CLN8: variants seen among roughly 807,000 people sequenced by gnomAD.
The protein encoded by CLN8 is CLN8 transmembrane ER and ERGIC protein, also known as protein CLN8.
A neutral mutation model predicts 15.7 loss-of-function variants in CLN8; 14 were observed. That is an observed-to-expected ratio of 0.89 (90% CI 0.59 to 1.39). The LOEUF (loss-of-function observed/expected upper bound fraction) is 1.39, where lower values mean the gene tolerates loss of function less well. Among genes scored for constraint, CLN8 ranks in the 40% most tolerant of loss-of-function variants. The pLI is 0.00. For synonymous variants in CLN8, 188 were observed against 151.0 expected (o/e 1.25, Z -1.80); for missense variants, 415 against 364.0 (o/e 1.14, Z -1.14).
intron 2 of CLN8, among the ~76,000 whole-genome samples, chr8:1,774,256 A>G (rs1048667804): frequency 8.5e-5 from 13 of 152,236 alleles, no homozygotes; most frequent in Non-Finnish European, 1.8e-4. Flanking sequence ...CTGTTTGTGT[A>G]GAATGGAGAA....
chr8:1,763,392 G>C (rs1170707588), upstream of CLN8: 495 of 30,840 alleles, frequency 0.016, 109 homozygotes, highest in African/African-American at 0.057. Context: ...AGCGCCCGCC[G>C]CGCCGCGCCC....
rs117344704 is a variant in CLN8, at chr8:1,769,669, C to A, written c.-123-1263C>A. ...GCCGTGTAAAAGGAAAGGCTGGAATCAATCACACGTCCCTTCCAGTTTTTC... is the reference window on the plus strand; with the variant it reads ...GCCGTGTAAAAGGAAAGGCTGGAATAAATCACACGTCCCTTCCAGTTTTTC... On this transcript the variant is annotated intron_variant, in intron 1 of 2. Transcript: ENST00000331222. 7.3e-3 allele frequency among the ~76,000 whole-genome samples: 1,105 copies of A among 152,332 alleles called. 11 individuals carry two copies. Among genetic ancestry groups the A allele is most frequent in the Non-Finnish European group, 0.012 (804 of 68,024 alleles).
chr8:1,762,832 A>C (rs1800833787), upstream of CLN8: 1 of 152,280 alleles, frequency 6.6e-6, no homozygotes, highest in South Asian at 2.1e-4. Context: ...GGACAATCCC[A>C]GTGCAGATGC....
At chr8:1,767,790 C>T (rs1441797546) in intron 1 of CLN8, among the ~76,000 whole-genome samples, 1 of 151,812 alleles carries the variant, frequency 6.6e-6, no homozygotes, top group Non-Finnish European at 1.5e-5. Flanking sequence ...CCAGGCTGGT[C>T]TCGAACTTCT....
In CLN8 at chr8:1,766,691, G is replaced by A. The variant is rs542364599; in HGVS notation, c.-124+2806G>A. On this transcript the variant is annotated intron_variant, in intron 1 of 2. Transcript: ENST00000331222. Reference sequence around the variant, plus strand: ...CAGGTGTGAGCCACCCTGCCCGGCCGATTCGGCCTCCAGTTTTACCCATGG... The same window carrying A: ...CAGGTGTGAGCCACCCTGCCCGGCCAATTCGGCCTCCAGTTTTACCCATGG... 7.9e-5 allele frequency among the ~76,000 whole-genome samples: 12 copies of A among 152,146 alleles called. No homozygotes were observed. The East Asian group carries it at 2.3e-3, about 29-fold the overall frequency.
At chr8:1,770,215 G>A (rs1489362655) in intron 1 of CLN8, among the ~76,000 whole-genome samples, 1 of 152,134 alleles carries the variant, frequency 6.6e-6, no homozygotes, top group Admixed American at 6.5e-5. Flanking sequence ...GACCTGACAG[G>A]TAAGATGATG....
chr8:1,785,998 T>C lies in CLN8; in HGVS notation c.*5431T>C, dbSNP rs752603301. ...CCCAGGAGCTGCCCCTCCCTGGAAGTCACAGGACAGGAATGACAGATCAGG... is the reference window on the plus strand; with the variant it reads ...CCCAGGAGCTGCCCCTCCCTGGAAGCCACAGGACAGGAATGACAGATCAGG... On this transcript the variant is annotated 3_prime_UTR_variant, in exon 3 of 3. Coordinates refer to ENST00000331222, the MANE Select transcript of CLN8 (RefSeq NM_018941.4). The C allele has an allele frequency of 1.3e-4, 20 of 153,846 alleles. No individual in the cohort carries two copies. Among genetic ancestry groups the C allele is most frequent in the Non-Finnish European group, 2.5e-4 (17 of 69,002 alleles). The allele number at this position is 153,846 out of a possible 1,614,324, so 9.5% of individuals were successfully genotyped here. A position where few individuals can be genotyped will look rare whatever the true frequency, so the allele number is the denominator to read the frequency against.
chr8:1,779,310 T>G, intron 2 of CLN8, among the ~76,000 whole-genome samples: 1 of 152,244 alleles, frequency 6.6e-6, no homozygotes, highest in Non-Finnish European at 1.5e-5. Context: ...TGGCACGATC[T>G]CAGCTCAGTG....
upstream of CLN8, among the ~76,000 whole-genome samples, chr8:1,754,159 C>T (rs1272931532): frequency 6.6e-6 from 1 of 152,198 alleles, no homozygotes; most frequent in Non-Finnish European, 1.5e-5. Context: ...TAGCCCTCTC[C>T]AGCACACACC....
intron 1 of CLN8, among the ~76,000 whole-genome samples, chr8:1,767,294 C>T (rs1411124186): frequency 1.3e-5 from 2 of 152,180 alleles, no homozygotes; most frequent in Non-Finnish European, 1.5e-5. Context: ...GCATTCTGGT[C>T]TTTATAATCT....
rs542854082 is a variant in CLN8, at chr8:1,758,584, G to A, written c.-124+2502G>A. 12 of 152,274 alleles carry A rather than the reference G, an allele frequency of 7.9e-5. No individual in the cohort carries two copies. In the East Asian group the frequency reaches 1.7e-3, roughly 22 times the overall value. The allele number at this position is 152,274 out of a possible 1,614,324, so 9.4% of individuals were successfully genotyped here. On this transcript the variant is annotated intron_variant, in intron 1 of 1. Transcript: ENST00000524258. ...CTCACAGTATCGTATTTCAAAATTC[G>A]GCTTTGTCATTTAGCAGTGTGTGGA...
At chr8:1,769,310 C>T (rs1359009230) in intron 1 of CLN8, among the ~76,000 whole-genome samples, 1 of 152,184 alleles carries the variant, frequency 6.6e-6, no homozygotes, top group Admixed American at 6.5e-5. Flanking sequence ...GGTGTGGTCA[C>T]AGCGACCTTT....
rs112374824 is a variant in CLN8, at chr8:1,780,941, T to C, written c.*374T>C. The stretch of plus-strand genomic sequence containing the variant: ...AGGGCGGGTGGGTCAGCGTTGACTC[T>C]TTCCAGCTGCACACTCATATGCCGT... On this transcript the variant is annotated 3_prime_UTR_variant, in exon 3 of 3. Transcript: ENST00000331222. 2.1e-3 allele frequency: 648 copies of C among 314,148 alleles called. 4 individuals carry two copies. The highest frequency in any genetic ancestry group is 1.0e-2 in the African/African-American group (471 of 47,276). The allele number at this position is 314,148 out of a possible 1,614,324, so 19.5% of individuals were successfully genotyped here.
Position 1,768,229 on chromosome 8 carries a change from C to T in CLN8, c.-123-2703C>T, listed in dbSNP as rs571454683. Among the ~76,000 whole-genome samples, 16 of 152,302 alleles carry T rather than the reference C, an allele frequency of 1.1e-4. No individual in the cohort carries two copies. In the South Asian group the frequency reaches 3.3e-3, roughly 32 times the overall value. On this transcript the variant is annotated intron_variant, in intron 1 of 2. Coordinates refer to ENST00000331222, the MANE Select transcript of CLN8 (RefSeq NM_018941.4). The stretch of plus-strand genomic sequence containing the variant: ...AAAGTGCTGGGATTACAGGTGTGAG[C>T]CACCACACCCAGCCTGAAACTTGGT...
At chr8:1,778,066 C>G (rs920450801) in intron 2 of CLN8, among the ~76,000 whole-genome samples, 6 of 152,174 alleles carry the variant, frequency 3.9e-5, no homozygotes, top group South Asian at 2.1e-4. Context: ...CGCTATGGGT[C>G]TGAGGGAGGT....
upstream of CLN8, chr8:1,758,893 A>G (rs1368777457): frequency 1.3e-5 from 2 of 152,316 alleles, no homozygotes; most frequent in Admixed American, 6.5e-5. Context: ...AATCTCTCCT[A>G]GATCAGGGAA....
At chr8:1,766,025 C>T (rs1019253697) in intron 1 of CLN8, among the ~76,000 whole-genome samples, 1 of 152,112 alleles carries the variant, frequency 6.6e-6, no homozygotes, top group African/African-American at 2.4e-5. Context: ...ACCGGAGGAG[C>T]GCATAGATGC....
At chr8:1,762,276 T>C (rs2130954494), upstream of CLN8, 1 of 152,366 alleles carries the variant, frequency 6.6e-6, no homozygotes, top group Non-Finnish European at 1.5e-5. Context: ...AACCTCTGCC[T>C]CCTGGGTTCA....
chr8:1,776,425 T>C (rs1034738317), intron 2 of CLN8, among the ~76,000 whole-genome samples: 1 of 151,924 alleles, frequency 6.6e-6, no homozygotes, highest in African/African-American at 2.4e-5. Flanking sequence ...GGGTTGGATA[T>C]GCATGTGGCC....
Sources: gnomAD v4.1 joint callset for allele counts (sites outside exome capture counted in the v4.1 genomes callset) on GRCh38, gnomAD v4.1.1 for gene constraint, MANE v1.5 for transcripts, NCBI Gene and HGNC (gene_info 2026-07-23, HGNC 2026-07-21) for gene names.